The following PTPRT variants were observed in gnomAD, a reference collection of about 807,000 sequenced individuals.
The protein encoded by PTPRT is receptor-type tyrosine-protein phosphatase T.
A neutral mutation model predicts 176.8 loss-of-function variants in PTPRT; 56 were observed. The observed-to-expected ratio is 0.32, with a 90% CI of 0.26 to 0.40. The LOEUF is 0.40. Among genes scored for constraint, PTPRT ranks in the 10% least tolerant of loss-of-function variants. PTPRT has a pLI of 1.00. For synonymous variants in PTPRT, 783 were observed against 739.0 expected, an observed-to-expected ratio of 1.06 and a Z score of -0.96; for missense variants, 1,540 against 1,908.2, an observed-to-expected ratio of 0.81 and a Z score of 3.60.
At chr20:42,773,514 C>A (rs1432685276) in intron 4 of PTPRT, among the ~76,000 whole-genome samples, 1 of 152,196 alleles carries the variant, frequency 6.6e-6, no homozygotes, top group Non-Finnish European at 1.5e-5. Context: ...AGAGACCCCT[C>A]AGGCTACCTT....
chr20:42,788,298 G>A lies in PTPRT; in HGVS notation c.486+2897C>T, dbSNP rs116496285. 4.3e-3 allele frequency among the ~76,000 whole-genome samples: 653 copies of A among 152,150 alleles called. 3 individuals are homozygous for A. The highest frequency in any genetic ancestry group is 0.015 in the African/African-American group (614 of 41,534). ...CAATGCCTGAACTGGCCTGGCTCAC[G>A]CAGGATGCAAAATGACTGACAAGCA... is the stretch of plus-strand genomic sequence containing the variant. On this transcript the variant is annotated intron_variant, in intron 3 of 30. Coordinates refer to ENST00000373187, the MANE Select transcript of PTPRT (RefSeq NM_007050.6).
intron 6 of PTPRT, among the ~76,000 whole-genome samples, chr20:42,712,557 T>A (rs2076160524): frequency 6.6e-6 from 1 of 152,122 alleles, no homozygotes; most frequent in Admixed American, 6.6e-5. Context: ...AAACAGACTA[T>A]CAGCGTGACC....
the PTPRT span, among the ~76,000 whole-genome samples, chr20:42,062,586 C>T: frequency 6.6e-6 from 1 of 152,202 alleles, no homozygotes. Flanking sequence ...CCTCCTGTGG[C>T]CTCTGGGGAT....
chr20:42,403,502 G>A (rs1228527819), intron 9 of PTPRT, among the ~76,000 whole-genome samples: 1 of 152,130 alleles, frequency 6.6e-6, no homozygotes, highest in Non-Finnish European at 1.5e-5. Flanking sequence ...AGGTTGTGTG[G>A]ATGAGCTTTT....
intron 2 of PTPRT, among the ~76,000 whole-genome samples, chr20:42,823,865 C>A (rs2077945204): frequency 6.6e-6 from 1 of 150,696 alleles, no homozygotes; most frequent in Non-Finnish European, 1.5e-5. Context: ...TGATTGAATA[C>A]CTAAAAAAAA....
chr20:42,633,793 A>ATATATATATATATATATATATAT, intron 7 of PTPRT, among the ~76,000 whole-genome samples: 1 of 59,768 alleles, frequency 1.7e-5, no homozygotes, highest in African/African-American at 9.6e-5. Context: ...AAATATATAT[A>ATATATATATATATATATATATAT]TATATATATA....
intron 2 of PTPRT, among the ~76,000 whole-genome samples, chr20:42,816,578 C>T (rs889317465): frequency 5.9e-5 from 9 of 152,168 alleles, no homozygotes; most frequent in Non-Finnish European, 4.4e-5. Flanking sequence ...TTCCCCCATG[C>T]TGTTCTCATG....
At chr20:42,221,504 A>G (rs2055885042) in intron 15 of PTPRT, among the ~76,000 whole-genome samples, 1 of 151,436 alleles carries the variant, frequency 6.6e-6, no homozygotes, top group African/African-American at 2.4e-5. Flanking sequence ...GTGGCAGGAG[A>G]GAGACAGCAT....
the PTPRT span, among the ~76,000 whole-genome samples, chr20:42,066,084 G>A: frequency 6.8e-4 from 94 of 138,152 alleles, no homozygotes; most frequent in African/African-American, 2.5e-3. Context: ...TTGTTGCCCA[G>A]GCTGGAGTGC....
At chr20:42,227,580 A>G (rs962056918) in intron 15 of PTPRT, among the ~76,000 whole-genome samples, 2 of 149,566 alleles carry the variant, frequency 1.3e-5, no homozygotes, top group African/African-American at 4.9e-5. Context: ...AATTGTAGCG[A>G]ATGGGGAAAG....
chr20:42,987,867 G>T (rs1221738940), intron 1 of PTPRT, among the ~76,000 whole-genome samples: 1 of 152,190 alleles, frequency 6.6e-6, no homozygotes, highest in Non-Finnish European at 1.5e-5. Flanking sequence ...AAAGCTTGAC[G>T]GGAGCTGGGG....
intron 5 of PTPRT, among the ~76,000 whole-genome samples, chr20:42,767,678 T>C (rs1404370582): frequency 1.4e-5 from 2 of 147,124 alleles, no homozygotes. Flanking sequence ...TATAAATATT[T>C]TCCTTAATAT....
chr20:42,614,627 T>C (rs573430911), intron 7 of PTPRT, among the ~76,000 whole-genome samples: 2 of 152,310 alleles, frequency 1.3e-5, no homozygotes, highest in African/African-American at 4.8e-5. Flanking sequence ...TCTTACCTCC[T>C]ACTTCACAGA....
intron 9 of PTPRT, among the ~76,000 whole-genome samples, chr20:42,356,165 G>A (rs1338157598): frequency 3.9e-5 from 6 of 152,166 alleles, no homozygotes; most frequent in Admixed American, 2.0e-4. Flanking sequence ...GGAGGGAGCT[G>A]TGGCTGTAAA....
downstream of PTPRT, among the ~76,000 whole-genome samples, chr20:42,068,182 C>T (rs1275424285): frequency 2.0e-5 from 3 of 152,254 alleles, no homozygotes; most frequent in African/African-American, 7.2e-5. Flanking sequence ...AAGTGGGTTC[C>T]TGTGGGCATC....
intron 27 of PTPRT, among the ~76,000 whole-genome samples, chr20:42,092,900 A>G (rs1984779839): frequency 6.6e-6 from 1 of 152,210 alleles, no homozygotes. Flanking sequence ...AAGGCTTTGC[A>G]TCCCTGATCT....
chr20:43,091,986 C>T (rs1207213293), intron 1 of PTPRT, among the ~76,000 whole-genome samples: 6 of 152,182 alleles, frequency 3.9e-5, no homozygotes, highest in South Asian at 2.1e-4. Context: ...ATCAAGAAAG[C>T]AAATTCATCT....
At chr20:43,166,007 T>C (rs922035084) in intron 1 of PTPRT, among the ~76,000 whole-genome samples, 1 of 151,660 alleles carries the variant, frequency 6.6e-6, no homozygotes, top group Admixed American at 6.6e-5. Flanking sequence ...CTGGCTAACA[T>C]GGAGAAACGT....
At chr20:42,895,517 G>T (rs999010946) in intron 1 of PTPRT, among the ~76,000 whole-genome samples, 1 of 152,198 alleles carries the variant, frequency 6.6e-6, no homozygotes, top group South Asian at 2.1e-4. Context: ...CGCAAGGAGT[G>T]GGAAGTACTC....
Sources: gnomAD v4.1 joint callset for allele counts (sites outside exome capture counted in the v4.1 genomes callset) on GRCh38, gnomAD v4.1.1 for gene constraint, MANE v1.5 for transcripts, NCBI Gene and HGNC (gene_info 2026-07-23, HGNC 2026-07-21) for gene names.